Variants in LNX1 observed in about 807,000 individuals in gnomAD.
LNX1 encodes the protein ligand of numb-protein X 1.
In LNX1, 54 loss-of-function variants were observed where a neutral mutation model predicts 68.4. The ratio of observed to expected loss-of-function variants is 0.79; its 90% confidence interval spans 0.63 to 0.99. The LOEUF is 0.99. Ranked by LOEUF, LNX1 falls within the 50% of genes least tolerant of loss-of-function variation. The pLI is 0.00. For missense variants in LNX1, 906 were observed against 926.4 expected (o/e 0.98, Z 0.29); for synonymous variants, 336 against 350.0 (o/e 0.96, Z 0.45).
chr4:53,601,478 C>T (rs1733012934), intron 2 of LNX1, among the ~76,000 whole-genome samples: 1 of 152,196 alleles, frequency 6.6e-6, no homozygotes, highest in African/African-American at 2.4e-5. Flanking sequence ...GCCACGATGG[C>T]CAGTCCTTCT....
At chr4:53,526,360 T>C (rs548044985) in intron 2 of LNX1, among the ~76,000 whole-genome samples, 1 of 152,282 alleles carries the variant, frequency 6.6e-6, no homozygotes, top group South Asian at 2.1e-4. Flanking sequence ...AATCTTGAAT[T>C]CTCATGTCTG....
At chr4:53,603,296 G>A (rs1200329106) in intron 2 of LNX1, among the ~76,000 whole-genome samples, 1 of 152,148 alleles carries the variant, frequency 6.6e-6, no homozygotes, top group East Asian at 1.9e-4. Flanking sequence ...AGCTCATGGG[G>A]AAACTCAATA....
At chr4:53,552,833 A>T (rs1324377670) in intron 2 of LNX1, among the ~76,000 whole-genome samples, 5 of 151,708 alleles carry the variant, frequency 3.3e-5, no homozygotes, top group African/African-American at 9.7e-5. Context: ...CATCTCAAAA[A>T]AAAAAAAAAA....
intron 2 of LNX1, among the ~76,000 whole-genome samples, chr4:53,539,648 A>C (rs1464677445): frequency 6.6e-6 from 1 of 152,276 alleles, no homozygotes; most frequent in African/African-American, 2.4e-5. Flanking sequence ...ATGAATATTC[A>C]GTTGCAGAAA....
chr4:53,488,837 CAA>C (rs1032261298), intron 6 of LNX1, among the ~76,000 whole-genome samples: 5 of 152,194 alleles, frequency 3.3e-5, no homozygotes, highest in Non-Finnish European at 7.4e-5. Flanking sequence ...AGAAAAAAAT[CAA>C]AGTCATCAGT....
At chr4:53,596,976 G>A (rs958498479) in intron 2 of LNX1, among the ~76,000 whole-genome samples, 23 of 152,106 alleles carry the variant, frequency 1.5e-4, no homozygotes, top group African/African-American at 5.3e-4. Context: ...CTTTCTGGAT[G>A]GACTGTACTG....
chr4:53,567,354 C>T (rs1286305900), intron 2 of LNX1, among the ~76,000 whole-genome samples: 32 of 149,048 alleles, frequency 2.1e-4, no homozygotes, highest in Non-Finnish European at 4.4e-4. Flanking sequence ...CTCAAAACCA[C>T]TCAACTACAT....
rs117135571 is a variant in LNX1, at chr4:53,532,855, C to A, written c.381-24628G>T. On this transcript the variant is annotated intron_variant, in intron 2 of 10. Coordinates refer to ENST00000263925, the MANE Select transcript of LNX1 (RefSeq NM_001126328.3). ...TCAGGTTCACCCTTCCCTCAAGGAACACTGCAGGCTGCCCAGGAAGTTGCT... is the reference window on the plus strand; with the variant it reads ...TCAGGTTCACCCTTCCCTCAAGGAAAACTGCAGGCTGCCCAGGAAGTTGCT... Among the ~76,000 whole-genome samples the A allele has an allele frequency of 6.9e-4, 105 of 152,304 alleles. No homozygotes were observed. The East Asian group carries it at 0.012, about 17-fold the overall frequency.
intron 4 of LNX1, chr4:53,501,806 G>A (rs1235130276): frequency 6.6e-6 from 1 of 152,194 alleles, no homozygotes. Context: ...TTGATACCAG[G>A]CTAGCTGAGT....
chr4:53,472,457 T>G (rs1178546210), intron 9 of LNX1, among the ~76,000 whole-genome samples: 1 of 151,752 alleles, frequency 6.6e-6, no homozygotes, highest in African/African-American at 2.4e-5. Flanking sequence ...CTGCACGTTG[T>G]GCATATGTAC....
chr4:53,522,537 T>G (rs1472296221), intron 2 of LNX1, among the ~76,000 whole-genome samples: 1 of 152,200 alleles, frequency 6.6e-6, no homozygotes, highest in African/African-American at 2.4e-5. Flanking sequence ...GAGAGTTGCA[T>G]GGATGTTGGT....
chr4:53,529,485 T>C (rs1201413345), intron 2 of LNX1, among the ~76,000 whole-genome samples: 3 of 152,212 alleles, frequency 2.0e-5, no homozygotes. Context: ...AAGACTGCGA[T>C]GCCTTGGAAA....
chr4:53,643,123 T>A (rs1038360052), intron 1 of LNX1, among the ~76,000 whole-genome samples: 1 of 152,090 alleles, frequency 6.6e-6, no homozygotes, highest in African/African-American at 2.4e-5. Flanking sequence ...TCCCAAATGC[T>A]AGTATTGTTG....
rs533344385 is a variant in LNX1, at chr4:53,587,152, A to G, written c.-87+4236T>C. 4.6e-5 allele frequency among the ~76,000 whole-genome samples: 7 copies of G among 152,316 alleles called. No individual in the cohort carries two copies. In the East Asian group the frequency reaches 1.4e-3, roughly 29 times the overall value. ...TCATAGAAAGTTCTTCCTCTTACTG[A>G]TCTGAAGTGTGTATCTGTGTAACTA... is the stretch of plus-strand genomic sequence containing the variant. On this transcript the variant is annotated intron_variant, in intron 1 of 10. Coordinates refer to ENST00000263925, the MANE Select transcript of LNX1 (RefSeq NM_001126328.3).
At chr4:53,534,609 T>G (rs1007702008) in intron 2 of LNX1, among the ~76,000 whole-genome samples, 3 of 152,186 alleles carry the variant, frequency 2.0e-5, no homozygotes, top group Admixed American at 2.0e-4. Context: ...ACCACTGTAC[T>G]CTAGTCTGGG....
In LNX1 at chr4:53,548,418, T is replaced by C. The variant is rs149205463; in HGVS notation, c.380+25205A>G. Among the ~76,000 whole-genome samples, 63 of 152,362 alleles carry C rather than the reference T, an allele frequency of 4.1e-4. No individual in the cohort carries two copies. The East Asian group carries it at 0.011, about 27-fold the overall frequency. ...ATGTATTAATGTAGTAGTATATGTA[T>C]ATAATTTTATATAGATAACTATACA... On this transcript the variant is annotated intron_variant, in intron 2 of 10. Transcript: ENST00000263925.
intron 2 of LNX1, among the ~76,000 whole-genome samples, chr4:53,512,508 G>GTGTGTGTA (rs60273663): frequency 0.64 from 95,450 of 149,190 alleles, 32,267 homozygotes; most frequent in Non-Finnish European, 0.76. Context: ...GTGTGTGTGT[G>GTGTGTGTA]TGTGTGTGTG....
chr4:53,555,678 A>T (rs1729863151), intron 2 of LNX1, among the ~76,000 whole-genome samples: 1 of 152,202 alleles, frequency 6.6e-6, no homozygotes, highest in Non-Finnish European at 1.5e-5. Context: ...CCCCAGTAGC[A>T]TCGGGGAACA....
At chr4:53,574,228 GTGA>G in intron 1 of LNX1, 140 bp from the exon 2 acceptor site, 1 of 657,334 alleles carries the variant, frequency 1.5e-6, no homozygotes, top group South Asian at 2.4e-5. Flanking sequence ...CCACTCTGGA[GTGA>G]CTGACAGGAC....
Sources: allele counts gnomAD v4.1 joint callset (sites outside exome capture counted in the v4.1 genomes callset), GRCh38; gene constraint gnomAD v4.1.1; transcripts MANE v1.5; gene names NCBI Gene and HGNC (gene_info 2026-07-23, HGNC 2026-07-21).